ZMAT4: variants seen among roughly 807,000 people sequenced by gnomAD.
The protein encoded by ZMAT4 is zinc finger matrin-type protein 4.
In ZMAT4, 17 loss-of-function variants were observed where a neutral mutation model predicts 28.7. The ratio of observed to expected loss-of-function variants is 0.59; its 90% CI spans 0.41 to 0.89. The LOEUF is 0.89. Among genes scored for constraint, ZMAT4 ranks in the 40% least tolerant of loss-of-function variants. ZMAT4 has a pLI of 0.00. For missense variants in ZMAT4, 240 were observed against 283.8 expected, an observed-to-expected ratio of 0.85 and a Z score of 1.11; for synonymous variants, 117 against 109.2, an observed-to-expected ratio of 1.07 and a Z score of -0.44.
In ZMAT4 at chr8:40,686,217, T is replaced by TA. The variant is rs373507711; in HGVS notation, c.349+11027dup. ...TTAATTCTACAGAAGTCTATGTACT[T>TA]AAAAAAAAAATCACAGGCGAGGCAC... is the stretch of plus-strand genomic sequence containing the variant. On this transcript the variant is annotated intron_variant, in intron 4 of 6. Transcript: ENST00000297737. Among the ~76,000 whole-genome samples the TA allele has an allele frequency of 7.6e-3, 1,142 of 149,894 alleles. 9 individuals are homozygous for TA. Among genetic ancestry groups the TA allele is most frequent in the African/African-American group, 0.02 (835 of 40,910 alleles).
chr8:40,559,603 T>C (rs1052056434), intron 6 of ZMAT4, among the ~76,000 whole-genome samples: 8 of 152,260 alleles, frequency 5.3e-5, no homozygotes, highest in African/African-American at 1.7e-4. Context: ...AGAATGCCCA[T>C]CTTGTAGGTT....
intron 2 of ZMAT4, among the ~76,000 whole-genome samples, chr8:40,768,236 T>A (rs1813242967): frequency 6.6e-6 from 1 of 152,080 alleles, no homozygotes; most frequent in African/African-American, 2.4e-5. Context: ...TTCTCTAAGG[T>A]CAGATATCAT....
intron 5 of ZMAT4, among the ~76,000 whole-genome samples, chr8:40,598,436 G>A (rs1230308019): frequency 5.3e-5 from 8 of 152,070 alleles, no homozygotes; most frequent in Non-Finnish European, 1.0e-4. Context: ...TTGTTCAACT[G>A]TCACTTATGA....
At position 40,593,272 on chromosome 8, in the gene ZMAT4, T is replaced by G. The variant is rs543310399; in HGVS notation, c.578-12011A>C. On this transcript the variant is annotated intron_variant, in intron 5 of 6. Coordinates refer to ENST00000297737, the MANE Select transcript of ZMAT4 (RefSeq NM_024645.3). ...CTTTATGCCTGAAGTGGATTGGGCT[T>G]CTAACATGGATTTGTGGATTATGGT... Among the ~76,000 whole-genome samples, 15 of 152,314 alleles carry G rather than the reference T, an allele frequency of 9.8e-5. No individual in the cohort carries two copies. In the South Asian group the frequency reaches 2.9e-3, roughly 29 times the overall value.
chr8:40,539,187 CTG>C (rs1802948066), intron 6 of ZMAT4, among the ~76,000 whole-genome samples: 1 of 152,164 alleles, frequency 6.6e-6, no homozygotes, highest in African/African-American at 2.4e-5. Flanking sequence ...AGCCTGGGGA[CTG>C]TGTCTCTCTA....
At chr8:40,597,009 T>C (rs564671174) in intron 5 of ZMAT4, among the ~76,000 whole-genome samples, 113 of 152,322 alleles carry the variant, frequency 7.4e-4, no homozygotes, top group African/African-American at 2.3e-3. Flanking sequence ...TTCTCTTTTG[T>C]AAATAAAGAA....
chr8:40,745,372 A>G (rs1361355888), intron 3 of ZMAT4, among the ~76,000 whole-genome samples: 1 of 152,176 alleles, frequency 6.6e-6, no homozygotes, highest in Non-Finnish European at 1.5e-5. Context: ...TTAAAAGCAA[A>G]CTACAAGCAA....
At chr8:40,639,309 T>C (rs969988052) in intron 5 of ZMAT4, among the ~76,000 whole-genome samples, 2 of 152,190 alleles carry the variant, frequency 1.3e-5, no homozygotes, top group African/African-American at 4.8e-5. Flanking sequence ...CCAGGGGTTT[T>C]TGAATGAGAT....
chr8:40,854,470 G>T (rs1817224953), intron 1 of ZMAT4, among the ~76,000 whole-genome samples: 1 of 152,242 alleles, frequency 6.6e-6, no homozygotes, highest in Non-Finnish European at 1.5e-5. Context: ...GAACCTCAGT[G>T]ATGACAAAAT....
At chr8:40,712,727 C>G (rs967963467) in intron 3 of ZMAT4, among the ~76,000 whole-genome samples, 10 of 152,116 alleles carry the variant, frequency 6.6e-5, no homozygotes, top group African/African-American at 2.4e-4. Flanking sequence ...TGTTGGGAAA[C>G]CAGGTAGCAA....
At chr8:40,541,961 G>C (rs1382348352) in intron 6 of ZMAT4, among the ~76,000 whole-genome samples, 2 of 152,234 alleles carry the variant, frequency 1.3e-5, no homozygotes, top group Admixed American at 6.5e-5. Context: ...GGAGTGGAAA[G>C]TTACTCTCCA....
At chr8:40,613,184 T>TTTC (rs2118663643) in intron 5 of ZMAT4, among the ~76,000 whole-genome samples, 10 of 13,814 alleles carry the variant, frequency 7.2e-4, no homozygotes, top group African/African-American at 3.5e-3. Context: ...TTCTTTCTTT[T>TTTC]TTTTTTTTTT....
intron 2 of ZMAT4, among the ~76,000 whole-genome samples, chr8:40,802,826 A>G (rs1218338549): frequency 2.0e-5 from 3 of 152,248 alleles, no homozygotes; most frequent in South Asian, 2.1e-4. Context: ...AAGATTTGCT[A>G]CAAATCTACA....
At chr8:40,746,031 C>T (rs534374496) in intron 3 of ZMAT4, among the ~76,000 whole-genome samples, 1 of 152,276 alleles carries the variant, frequency 6.6e-6, no homozygotes, top group African/African-American at 2.4e-5. Flanking sequence ...TCACCATCTT[C>T]GCAGCCAGTA....
chr8:40,758,850 C>T (rs564337586), intron 3 of ZMAT4, among the ~76,000 whole-genome samples: 8 of 152,162 alleles, frequency 5.3e-5, no homozygotes, highest in South Asian at 2.1e-4. Flanking sequence ...GACAGAACAA[C>T]GGAAAGGACA....
rs371904227 is a variant in ZMAT4, at chr8:40,887,195, T to C, written c.-5+10488A>G. 2.6e-3 allele frequency among the ~76,000 whole-genome samples: 364 copies of C among 141,256 alleles called. 1 individual carries two copies. The highest frequency in any genetic ancestry group is 3.8e-3 in the Middle Eastern group (1 of 262). The allele number at this position is 141,256 out of a possible 152,430, so 92.7% of individuals were successfully genotyped here. On this transcript the variant is annotated intron_variant, in intron 1 of 6. Coordinates refer to ENST00000297737, the MANE Select transcript of ZMAT4 (RefSeq NM_024645.3). ...CAAAAAAAAAAAAAAAAAAAGCCGG[T>C]TTTGGCCAGGCACGGTGGCTCACGC...
chr8:40,808,226 A>G (rs1242258385), intron 2 of ZMAT4, among the ~76,000 whole-genome samples: 1 of 151,276 alleles, frequency 6.6e-6, no homozygotes, highest in African/African-American at 2.4e-5. Flanking sequence ...AGGATACACT[A>G]TAATACTTTC....
At chr8:40,881,499 G>GAAAGAA (rs1413051640) in intron 1 of ZMAT4, among the ~76,000 whole-genome samples, 5 of 129,524 alleles carry the variant, frequency 3.9e-5, no homozygotes, top group Non-Finnish European at 6.5e-5. Flanking sequence ...AAGAAAGAAA[G>GAAAGAA]AGGAAGGAAG....
intron 2 of ZMAT4, 62 bp from the exon 3 acceptor site, chr8:40,767,792 C>T (rs751909532): frequency 3.8e-5 from 52 of 1,361,962 alleles, no homozygotes; most frequent in Non-Finnish European, 4.8e-5. Flanking sequence ...CCTTTGAAAC[C>T]TAGCCAGTGC....
Sources: allele counts gnomAD v4.1 joint callset (sites outside exome capture counted in the v4.1 genomes callset), GRCh38; gene constraint gnomAD v4.1.1; transcripts MANE v1.5; gene names NCBI Gene and HGNC (gene_info 2026-07-23, HGNC 2026-07-21).